Variants in GHR observed in about 807,000 individuals in gnomAD.
GHR encodes growth hormone receptor, also known as GH receptor.
Under a neutral mutation model 67.1 loss-of-function variants are expected in GHR, and 35 were observed. That is an observed-to-expected ratio of 0.52 (90% CI 0.40 to 0.69). The LOEUF is 0.69. Among genes scored for constraint, GHR ranks in the 30% least tolerant of loss-of-function variants. The probability of loss-of-function intolerance (pLI) is 0.00; values close to 1 mark genes in which losing one functional copy is unlikely to be tolerated. For synonymous variants in GHR, 272 were observed against 269.1 expected (o/e 1.01, Z -0.10); for missense variants, 792 against 764.6 (o/e 1.04, Z -0.42).
At chr5:42,664,090 A>C (rs1211377718) in intron 3 of GHR, among the ~76,000 whole-genome samples, 1 of 152,190 alleles carries the variant, frequency 6.6e-6, no homozygotes, top group Non-Finnish European at 1.5e-5. Context: ...AATGAAATAA[A>C]AGAGGATACA....
chr5:42,529,570 A>G (rs1349789874), intron 1 of GHR, among the ~76,000 whole-genome samples: 1 of 152,190 alleles, frequency 6.6e-6, no homozygotes. Flanking sequence ...TGAGTCCTAA[A>G]GGTGAATCTG....
At chr5:42,504,757 CAAAATAAAAT>C (rs924287403) in intron 1 of GHR, among the ~76,000 whole-genome samples, 2 of 151,918 alleles carry the variant, frequency 1.3e-5, no homozygotes, top group Non-Finnish European at 2.9e-5. Flanking sequence ...GATTCCGTCT[CAAAATAAAAT>C]AAAATAAAAT....
intron 2 of GHR, among the ~76,000 whole-genome samples, chr5:42,579,126 GATAGATAGATAGATGATAGATAGAT>G (rs1750969194): frequency 4.1e-5 from 3 of 72,734 alleles, no homozygotes; most frequent in African/African-American, 1.3e-4. Flanking sequence ...TAGATAGATA[GATAGATAGATAGATGATAGATAGAT>G]ATAGATAGAT....
chr5:42,507,192 A>C (rs1746814774), intron 1 of GHR, among the ~76,000 whole-genome samples: 1 of 152,246 alleles, frequency 6.6e-6, no homozygotes, highest in Non-Finnish European at 1.5e-5. Flanking sequence ...CTTTGTTGTC[A>C]GAATGATTAC....
chr5:42,597,862 G>A (rs1209478353), intron 2 of GHR, among the ~76,000 whole-genome samples: 1 of 152,168 alleles, frequency 6.6e-6, no homozygotes, highest in Non-Finnish European at 1.5e-5. Flanking sequence ...GCTGGGTGTT[G>A]GGGAGGGCAC....
chr5:42,539,776 T>A (rs986985709), intron 1 of GHR, among the ~76,000 whole-genome samples: 14 of 152,192 alleles, frequency 9.2e-5, no homozygotes, highest in Non-Finnish European at 1.6e-4. Flanking sequence ...ACTTTCTTTT[T>A]CTTCTGTTGT....
intron 1 of GHR, chr5:42,468,886 A>G (rs1393037632): frequency 9.3e-6 from 7 of 755,536 alleles, no homozygotes; most frequent in Non-Finnish European, 1.2e-5. Flanking sequence ...TCGGCGGCAC[A>G]TTCCTCCACG....
At chr5:42,522,293 G>C (rs1012086192) in intron 1 of GHR, among the ~76,000 whole-genome samples, 1 of 152,120 alleles carries the variant, frequency 6.6e-6, no homozygotes, top group Admixed American at 6.5e-5. Context: ...CATCATATAA[G>C]AAATTTATGC....
chr5:42,485,825 A>G lies in GHR; in HGVS notation c.-12+61870A>G, dbSNP rs193110258. ...CTTAATTTGGAAAGATATGTAACCA[A>G]CTTCACGTAAGTGCTAGCCTTTCAT... On this transcript the variant is annotated intron_variant, in intron 1 of 9. Transcript: ENST00000230882. Among the ~76,000 whole-genome samples the G allele has an allele frequency of 2.6e-5, 4 of 152,312 alleles. No individual in the cohort carries two copies. In the East Asian group the frequency reaches 7.7e-4, roughly 29 times the overall value.
chr5:42,521,973 G>A (rs1443203604), intron 1 of GHR, among the ~76,000 whole-genome samples: 1 of 152,134 alleles, frequency 6.6e-6, no homozygotes, highest in African/African-American at 2.4e-5. Context: ...TAAAGTGTTG[G>A]TTTTTCTCAG....
chr5:42,513,110 G>A (rs547621459), intron 1 of GHR, among the ~76,000 whole-genome samples: 161 of 152,292 alleles, frequency 1.1e-3, no homozygotes, highest in South Asian at 3.7e-3. Context: ...ATTAGCAATA[G>A]CAAGCTACTT....
chr5:42,688,440 A>G lies in GHR; in HGVS notation c.137-450A>G, dbSNP rs796830130. 3.3e-5 allele frequency among the ~76,000 whole-genome samples: 5 copies of G among 152,280 alleles called. 1 individual carries two copies. The highest frequency in any genetic ancestry group is 1.2e-4 in the African/African-American group (5 of 41,566). On this transcript the variant is annotated intron_variant, in intron 3 of 9. Coordinates refer to ENST00000230882, the MANE Select transcript of GHR (RefSeq NM_000163.5). ...ACACAACAGTGGTGGTGCATATTCTACACAGCTTCTCAAAGGAGCCTCAGA... is the reference window on the plus strand; with the variant it reads ...ACACAACAGTGGTGGTGCATATTCTGCACAGCTTCTCAAAGGAGCCTCAGA...
chr5:42,612,555 C>A (rs1291524141), intron 2 of GHR, among the ~76,000 whole-genome samples: 1 of 151,956 alleles, frequency 6.6e-6, no homozygotes, highest in East Asian at 1.9e-4. Flanking sequence ...GTAGTCCCTT[C>A]ACTTGTAGAT....
intron 3 of GHR, among the ~76,000 whole-genome samples, chr5:42,671,725 G>A (rs1336648843): frequency 6.6e-6 from 1 of 151,378 alleles, no homozygotes; most frequent in Non-Finnish European, 1.5e-5. Context: ...GGGAGGCCGA[G>A]GTGGGCGGAT....
At chr5:42,575,564 C>G (rs1392402253) in intron 2 of GHR, among the ~76,000 whole-genome samples, 1 of 151,742 alleles carries the variant, frequency 6.6e-6, no homozygotes, top group East Asian at 2.0e-4. Context: ...TCCAGATTAT[C>G]CTCAGTTGGT....
At chr5:42,655,225 A>G (rs892709136) in intron 3 of GHR, among the ~76,000 whole-genome samples, 12 of 151,962 alleles carry the variant, frequency 7.9e-5, no homozygotes, top group Non-Finnish European at 1.8e-4. Flanking sequence ...ACATAGTTGC[A>G]TTTTCTTTGA....
intron 4 of GHR, among the ~76,000 whole-genome samples, chr5:42,693,424 C>T (rs145817437): frequency 1.4e-3 from 216 of 152,164 alleles, no homozygotes; most frequent in African/African-American, 4.8e-3. Context: ...CAGGCATGAA[C>T]CACCGTACCC....
At chr5:42,651,563 C>CA (rs1182280738) in intron 3 of GHR, among the ~76,000 whole-genome samples, 1 of 152,178 alleles carries the variant, frequency 6.6e-6, no homozygotes, top group Non-Finnish European at 1.5e-5. Context: ...CTTAAAGTGA[C>CA]ACACTGACCT....
At chr5:42,662,518 C>T (rs911068429) in intron 3 of GHR, among the ~76,000 whole-genome samples, 3 of 152,052 alleles carry the variant, frequency 2.0e-5, no homozygotes, top group African/African-American at 4.8e-5. Flanking sequence ...GGGTACATAA[C>T]AAAATGAAGG....
Sources: gnomAD v4.1 joint callset for allele counts (sites outside exome capture counted in the v4.1 genomes callset) on GRCh38, gnomAD v4.1.1 for gene constraint, MANE v1.5 for transcripts, NCBI Gene and HGNC (gene_info 2026-07-23, HGNC 2026-07-21) for gene names.